Variants in FAM228B observed in about 807,000 individuals in gnomAD.
FAM228B encodes protein FAM228B.
In FAM228B, 38 loss-of-function variants were observed where a neutral mutation model predicts 42.6. The observed-to-expected ratio is 0.89, with a 90% CI of 0.69 to 1.17. The LOEUF is 1.17. FAM228B is among the 50% of genes most tolerant of loss of function. FAM228B has a pLI of 0.00. For missense variants in FAM228B, 344 were observed against 367.3 expected, an observed-to-expected ratio of 0.94 and a Z score of 0.52; for synonymous variants, 109 against 122.3, an observed-to-expected ratio of 0.89 and a Z score of 0.72.
At chr2:24,101,416 T>A (rs1383199427) in intron 3 of FAM228B, among the ~76,000 whole-genome samples, 3 of 152,172 alleles carry the variant, frequency 2.0e-5, no homozygotes, top group African/African-American at 4.8e-5. Flanking sequence ...ATTTAAAAAA[T>A]TATTTTCTGT....
At chr2:24,134,689 G>A (rs990750808) in intron 2 of FAM228B, among the ~76,000 whole-genome samples, 3 of 152,204 alleles carry the variant, frequency 2.0e-5, no homozygotes, top group South Asian at 4.1e-4. Flanking sequence ...AGTGGCTCAG[G>A]CCTGTAATCC....
intron 2 of FAM228B, chr2:24,082,877 C>A: frequency 6.3e-7 from 1 of 1,597,920 alleles, no homozygotes; most frequent in Non-Finnish European, 8.5e-7. Flanking sequence ...GCATGGAGGC[C>A]TCCTCACCCA....
At chr2:24,086,099 G>T (rs976106754) in intron 2 of FAM228B, among the ~76,000 whole-genome samples, 1 of 152,056 alleles carries the variant, frequency 6.6e-6, no homozygotes, top group South Asian at 2.1e-4. Context: ...GCCGGGCGTG[G>T]TGGCGGGCGC....
rs540007964 is a variant in FAM228B, at chr2:24,149,651, T to G, written c.686+2565T>G. Among the ~76,000 whole-genome samples, 131 of 152,312 alleles carry G rather than the reference T, an allele frequency of 8.6e-4. 1 individual carries two copies. Among genetic ancestry groups the G allele is most frequent in the African/African-American group, 3.1e-3 (130 of 41,564 alleles). On this transcript the variant is annotated intron_variant, in intron 7 of 10. Coordinates refer to ENST00000615575, the MANE Select transcript of FAM228B (RefSeq NM_001145710.2). ...TTTCACCATATTGGTCAGGCTGGTC[T>G]CAAACTCCTGATCTCAGGTGATCCA...
At chr2:24,122,894 CAAAA>C (rs1666166023), upstream of FAM228B, 1 of 170,458 alleles carries the variant, frequency 5.9e-6, no homozygotes, top group Admixed American at 6.2e-5. Flanking sequence ...AAAATAAAAA[CAAAA>C]AACAAAACCC....
chr2:24,101,866 T>C (rs1665616226), intron 3 of FAM228B, among the ~76,000 whole-genome samples: 2 of 152,130 alleles, frequency 1.3e-5, no homozygotes, highest in South Asian at 4.1e-4. Flanking sequence ...GTATTTTTAG[T>C]AGATACCGGG....
chr2:24,111,869 AC>A (rs1343679954), intron 3 of FAM228B, among the ~76,000 whole-genome samples: 1 of 151,696 alleles, frequency 6.6e-6, no homozygotes, highest in African/African-American at 2.4e-5. Context: ...GCCAAAAAAA[AC>A]CCCTCAACTG....
At chr2:24,090,160 C>A (rs745665068) in intron 2 of FAM228B, among the ~76,000 whole-genome samples, 1 of 151,276 alleles carries the variant, frequency 6.6e-6, no homozygotes, top group Non-Finnish European at 1.5e-5. Context: ...CCCAGTTACT[C>A]GGGAGGTTGA....
At chr2:24,116,526 A>G (rs1319943311) in intron 3 of FAM228B, among the ~76,000 whole-genome samples, 1 of 152,194 alleles carries the variant, frequency 6.6e-6, no homozygotes, top group East Asian at 1.9e-4. Context: ...GTCTTGCAGA[A>G]TAAGTCACAA....
intron 8 of FAM228B, among the ~76,000 whole-genome samples, chr2:24,163,137 G>A (rs1179013435): frequency 6.6e-6 from 1 of 152,192 alleles, no homozygotes; most frequent in African/African-American, 2.4e-5. Flanking sequence ...AGAAAAGTGA[G>A]CTTTTATGAC....
chr2:24,166,171 T>G (rs1254571072), intron 9 of FAM228B: 1 of 151,510 alleles, frequency 6.6e-6, no homozygotes, highest in East Asian at 1.9e-4. Context: ...TTGGTGGCCA[T>G]TTGACTGAGA....
At chr2:24,166,867 C>A (rs1451169476) in intron 9 of FAM228B, among the ~76,000 whole-genome samples, 2 of 151,806 alleles carry the variant, frequency 1.3e-5, no homozygotes, top group Admixed American at 1.3e-4. Context: ...TGGATGGGCC[C>A]AGGCAAAAGC....
chr2:24,164,157 A>G (rs1203221811), intron 8 of FAM228B, 41 bp from the exon 9 acceptor site: 2 of 1,500,132 alleles, frequency 1.3e-6, no homozygotes. Flanking sequence ...AGTTGAGTTG[A>G]GAGTTAAGAG....
chr2:24,110,999 C>A (rs1665782948), intron 3 of FAM228B, among the ~76,000 whole-genome samples: 2 of 152,060 alleles, frequency 1.3e-5, no homozygotes, highest in Non-Finnish European at 2.9e-5. Flanking sequence ...TGCTCATAAA[C>A]CCTCCCACTT....
intron 3 of FAM228B, among the ~76,000 whole-genome samples, chr2:24,099,799 C>A (rs1665570219): frequency 6.6e-6 from 1 of 152,048 alleles, no homozygotes; most frequent in South Asian, 2.1e-4. Flanking sequence ...AAAAAGAACC[C>A]CCCATTACCA....
intron 7 of FAM228B, among the ~76,000 whole-genome samples, chr2:24,152,080 G>T (rs1350703710): frequency 2.0e-5 from 3 of 152,028 alleles, no homozygotes; most frequent in Non-Finnish European, 4.4e-5. Flanking sequence ...TGTTGGCCAG[G>T]CTGGTCTCAA....
At chr2:24,111,368 T>A (rs1420223053) in intron 3 of FAM228B, among the ~76,000 whole-genome samples, 2 of 152,096 alleles carry the variant, frequency 1.3e-5, no homozygotes, top group Admixed American at 1.3e-4. Context: ...CCCACTTCCA[T>A]TTTTTTTGTG....
chr2:24,128,888 A>G (rs751299459), intron 2 of FAM228B, among the ~76,000 whole-genome samples: 1 of 151,920 alleles, frequency 6.6e-6, no homozygotes, highest in Non-Finnish European at 1.5e-5. Context: ...AACCTCTCCA[A>G]ATACTCTACT....
At chr2:24,144,520 A>T (rs1666847635) in intron 5 of FAM228B, among the ~76,000 whole-genome samples, 1 of 152,322 alleles carries the variant, frequency 6.6e-6, no homozygotes, top group East Asian at 1.9e-4. Flanking sequence ...GGAACACGTC[A>T]TCTAAGAGGA....
Sources: allele counts gnomAD v4.1 joint callset (sites outside exome capture counted in the v4.1 genomes callset), GRCh38; gene constraint gnomAD v4.1.1; transcripts MANE v1.5; gene names NCBI Gene and HGNC (gene_info 2026-07-23, HGNC 2026-07-21).